CCDC170: variants seen among roughly 807,000 people sequenced by gnomAD.
CCDC170 encodes coiled-coil domain containing 170, also known as coiled-coil domain-containing protein 170.
In CCDC170, 69 loss-of-function variants were observed where a neutral mutation model predicts 72.6. The observed-to-expected ratio is 0.95, with a 90% CI of 0.78 to 1.16. The LOEUF is 1.16. CCDC170 is among the 50% of genes most tolerant of loss of function. The probability of loss-of-function intolerance (pLI) is 0.00; values close to 1 mark genes in which losing one functional copy is unlikely to be tolerated. For missense variants in CCDC170, 852 were observed against 832.5 expected, an observed-to-expected ratio of 1.02 and a Z score of -0.29; for synonymous variants, 300 against 303.9, an observed-to-expected ratio of 0.99 and a Z score of 0.13.
intron 7 of CCDC170, among the ~76,000 whole-genome samples, chr6:151,589,642 A>T (rs1402833470): frequency 2.0e-5 from 3 of 152,018 alleles, no homozygotes. Flanking sequence ...ACAACCTACT[A>T]ACTGAGCTCC....
chr6:151,591,997 C>A (rs1333269789), intron 7 of CCDC170, among the ~76,000 whole-genome samples: 1 of 151,932 alleles, frequency 6.6e-6, no homozygotes, highest in African/African-American at 2.4e-5. Context: ...GGCCAGGGCC[C>A]AGTTAGGTGG....
intron 4 of CCDC170, among the ~76,000 whole-genome samples, chr6:151,546,215 G>A (rs1357747124): frequency 6.6e-6 from 1 of 152,136 alleles, no homozygotes; most frequent in Non-Finnish European, 1.5e-5. Context: ...TGATAGCTGG[G>A]ACCATGGGTC....
At chr6:151,535,884 T>C (rs1383743197) in intron 1 of CCDC170, among the ~76,000 whole-genome samples, 7 of 152,148 alleles carry the variant, frequency 4.6e-5, no homozygotes, top group Admixed American at 4.6e-4. Flanking sequence ...TAGATAGGAC[T>C]ACAGGTCATG....
intron 5 of CCDC170, among the ~76,000 whole-genome samples, chr6:151,552,098 T>C (rs1782888970): frequency 6.6e-6 from 1 of 151,800 alleles, no homozygotes; most frequent in African/African-American, 2.4e-5. Context: ...AGCAGTGGCC[T>C]GATTTTTTCT....
At chr6:151,547,739 CCTTGTAAAT>C (rs1288847084) in intron 4 of CCDC170, among the ~76,000 whole-genome samples, 3 of 152,166 alleles carry the variant, frequency 2.0e-5, no homozygotes, top group Non-Finnish European at 4.4e-5. Context: ...TTTATTTTCC[CCTTGTAAAT>C]CTTATAAATG....
At position 151,541,067 on chromosome 6, in the gene CCDC170, T is replaced by C. The variant is rs187254756; in HGVS notation, c.443+2766T>C. 3.2e-4 allele frequency among the ~76,000 whole-genome samples: 49 copies of C among 152,300 alleles called. No individual in the cohort carries two copies. The East Asian group carries it at 8.5e-3, about 26-fold the overall frequency. ...TATTCCAGATCTCTGGCTTCTTTGC[T>C]GTCCCTTGAACCTGACAGACCTGAT... is the stretch of plus-strand genomic sequence containing the variant. On this transcript the variant is annotated intron_variant, in intron 3 of 10. Coordinates refer to ENST00000239374, the MANE Select transcript of CCDC170 (RefSeq NM_025059.4).
chr6:151,607,033 T>C (rs1776796694), intron 9 of CCDC170, among the ~76,000 whole-genome samples: 1 of 152,150 alleles, frequency 6.6e-6, no homozygotes, highest in African/African-American at 2.4e-5. Context: ...AGCATATAGT[T>C]GAGTTTTTAA....
At chr6:151,552,089 G>A (rs1420173106) in intron 5 of CCDC170, among the ~76,000 whole-genome samples, 2 of 150,718 alleles carry the variant, frequency 1.3e-5, no homozygotes, top group Non-Finnish European at 2.9e-5. Context: ...AGAGTCCAGA[G>A]CAGTGGCCTG....
intron 10 of CCDC170, among the ~76,000 whole-genome samples, chr6:151,617,408 C>CTTTTTTTTTTTTTTTTTTTTTTT (rs745655791): frequency 2.5e-4 from 23 of 91,474 alleles, no homozygotes; most frequent in South Asian, 8.1e-4. Flanking sequence ...GCTGTTTGTT[C>CTTTTTTTTTTTTTTTTTTTTTTT]TTTTTTTTTT....
chr6:151,569,196 G>A (rs1325643256), intron 5 of CCDC170, among the ~76,000 whole-genome samples: 1 of 152,068 alleles, frequency 6.6e-6, no homozygotes, highest in Non-Finnish European at 1.5e-5. Context: ...CTGTCCTGAT[G>A]ATAATCATTG....
In CCDC170 at chr6:151,620,188, C is replaced by CAA. The variant is rs1777037730; in HGVS notation, c.*2041_*2042insAA. The CAA allele has an allele frequency of 6.2e-5, 2 of 32,068 alleles. No individual in the cohort carries two copies. Among genetic ancestry groups the CAA allele is most frequent in the African/African-American group, 3.6e-4 (2 of 5,584 alleles). 2.0% of individuals were successfully genotyped at this position (32,068 alleles called of 1,614,324 possible). A position where few individuals can be genotyped will look rare whatever the true frequency, so the allele number is the denominator to read the frequency against. ...ACCAATAAATGTAGAATGGATGATT[C>CAA]CAAAAAAAAAAAAAAAAAGAAGAAA... is the stretch of plus-strand genomic sequence containing the variant. On this transcript the variant is annotated 3_prime_UTR_variant, in exon 11 of 11. Coordinates refer to ENST00000239374, the MANE Select transcript of CCDC170 (RefSeq NM_025059.4).
At chr6:151,570,631 C>T (rs947795422) in intron 5 of CCDC170, among the ~76,000 whole-genome samples, 2 of 152,154 alleles carry the variant, frequency 1.3e-5, no homozygotes, top group African/African-American at 2.4e-5. Flanking sequence ...TTCATATCTT[C>T]CGGGGTCCTA....
At chr6:151,560,083 T>C (rs181039200) in intron 5 of CCDC170, among the ~76,000 whole-genome samples, 32 of 152,298 alleles carry the variant, frequency 2.1e-4, no homozygotes, top group East Asian at 1.9e-4. Flanking sequence ...CATTTAGCAA[T>C]ATATTTTCAC....
chr6:151,527,351 T>A (rs544858404), intron 1 of CCDC170, among the ~76,000 whole-genome samples: 2 of 152,182 alleles, frequency 1.3e-5, no homozygotes, highest in African/African-American at 4.8e-5. Flanking sequence ...AAGGTATAGA[T>A]GCTCAGATAT....
At chr6:151,498,658 T>G (rs1048729657) in intron 1 of CCDC170, among the ~76,000 whole-genome samples, 2 of 152,190 alleles carry the variant, frequency 1.3e-5, no homozygotes, top group African/African-American at 4.8e-5. Flanking sequence ...GGAATCAGAC[T>G]GTATTTAACT....
intron 1 of CCDC170, among the ~76,000 whole-genome samples, chr6:151,528,620 T>C (rs1782446453): frequency 6.6e-6 from 1 of 151,582 alleles, no homozygotes; most frequent in African/African-American, 2.4e-5. Context: ...CTGAGGCGAG[T>C]GGATCAGTTG....
intron 1 of CCDC170, among the ~76,000 whole-genome samples, chr6:151,532,576 C>T (rs1027256262): frequency 2.0e-5 from 3 of 149,998 alleles, no homozygotes; most frequent in African/African-American, 7.4e-5. Flanking sequence ...CACTGCACTC[C>T]AGCCTGGGTG....
chr6:151,596,046 T>C (rs1776616225), intron 8 of CCDC170, among the ~76,000 whole-genome samples: 1 of 152,156 alleles, frequency 6.6e-6, no homozygotes, highest in African/African-American at 2.4e-5. Context: ...TTAAAAGTAA[T>C]TTTACATTTT....
intron 7 of CCDC170, among the ~76,000 whole-genome samples, chr6:151,590,279 C>G (rs997058474): frequency 1.3e-5 from 2 of 152,048 alleles, no homozygotes; most frequent in Non-Finnish European, 2.9e-5. Flanking sequence ...TCTCCAGGGC[C>G]TAGAGAAAGA....
Sources: gnomAD v4.1 joint callset for allele counts (sites outside exome capture counted in the v4.1 genomes callset) on GRCh38, gnomAD v4.1.1 for gene constraint, MANE v1.5 for transcripts, NCBI Gene and HGNC (gene_info 2026-07-23, HGNC 2026-07-21) for gene names.